Variants in CMIP observed in about 807,000 individuals in gnomAD.
The protein encoded by CMIP is C-Maf-inducing protein.
In CMIP, 13 loss-of-function variants were observed where a neutral mutation model predicts 97.3. The observed-to-expected ratio is 0.13, with a 90% CI of 0.09 to 0.21. The LOEUF (loss-of-function observed/expected upper bound fraction) is 0.21, where lower values mean the gene tolerates loss of function less well. CMIP is among the 10% of genes least tolerant of loss of function. The pLI is 1.00. For missense variants in CMIP, 847 were observed against 1,024.9 expected (o/e 0.83, Z 2.37); for synonymous variants, 538 against 436.3 (o/e 1.23, Z -2.91).
At chr16:81,537,254 G>T (rs1455678383) in intron 1 of CMIP, among the ~76,000 whole-genome samples, 1 of 152,144 alleles carries the variant, frequency 6.6e-6, no homozygotes, top group Admixed American at 6.5e-5. Flanking sequence ...CCCCATATAG[G>T]CTGGGGGCGG....
intron 17 of CMIP, among the ~76,000 whole-genome samples, chr16:81,703,608 C>T (rs1259342459): frequency 7.5e-6 from 1 of 132,780 alleles, no homozygotes; most frequent in East Asian, 2.0e-4. Flanking sequence ...CAGGCACACA[C>T]ACACAGACAC....
chr16:81,546,214 C>T lies in CMIP; in HGVS notation c.301-61353C>T, dbSNP rs150107788. ...GGCAGCCCAGGGAAATGAGGAATCC[C>T]GATCCTTCTCTCTGAGTCAAGAGAA... On this transcript the variant is annotated intron_variant, in intron 1 of 20. Coordinates refer to ENST00000537098, the MANE Select transcript of CMIP (RefSeq NM_198390.3). Among the ~76,000 whole-genome samples, 17 of 152,258 alleles carry T rather than the reference C, an allele frequency of 1.1e-4. No individual in the cohort carries two copies. In the East Asian group the frequency reaches 3.1e-3, roughly 28 times the overall value.
chr16:81,645,778 C>A, intron 3 of CMIP: 2 of 659,526 alleles, frequency 3.0e-6, no homozygotes, highest in East Asian at 5.5e-5. Flanking sequence ...CTTTACAGAA[C>A]TTGGTAGGTG....
At chr16:81,644,302 T>C (rs1171676858) in intron 3 of CMIP, among the ~76,000 whole-genome samples, 1 of 152,152 alleles carries the variant, frequency 6.6e-6, no homozygotes, top group Non-Finnish European at 1.5e-5. Context: ...CCTGGAAAAT[T>C]GTAGCCAAAG....
chr16:81,559,331 C>G (rs191378146), intron 1 of CMIP, among the ~76,000 whole-genome samples: 37 of 152,328 alleles, frequency 2.4e-4, no homozygotes, highest in African/African-American at 8.7e-4. Flanking sequence ...TTATTTCATG[C>G]TGGGCCAGCC....
chr16:81,533,624 A>G (rs555408873), intron 1 of CMIP, among the ~76,000 whole-genome samples: 1 of 152,120 alleles, frequency 6.6e-6, no homozygotes, highest in East Asian at 1.9e-4. Flanking sequence ...GACTATATGC[A>G]CGTGCCGCCA....
chr16:81,581,227 G>A (rs554781132), intron 1 of CMIP, among the ~76,000 whole-genome samples: 1 of 152,270 alleles, frequency 6.6e-6, no homozygotes, highest in South Asian at 2.1e-4. Flanking sequence ...GTGAATAAGC[G>A]GCCGTGAGCA....
intron 1 of CMIP, among the ~76,000 whole-genome samples, chr16:81,478,377 A>G (rs1170496012): frequency 6.6e-6 from 1 of 152,172 alleles, no homozygotes; most frequent in Non-Finnish European, 1.5e-5. Flanking sequence ...AAGGGGTTGT[A>G]GGGCCGAGAT....
At position 81,671,902 on chromosome 16, in the gene CMIP, C is replaced by T. The variant is rs1221551255; in HGVS notation, c.930-64C>T. ...CCTGAGCAACGCCCTCCCTTTCCCCCCTTACCCTGTCCATGGGCCCCACTC... is the reference window on the plus strand; with the variant it reads ...CCTGAGCAACGCCCTCCCTTTCCCCTCTTACCCTGTCCATGGGCCCCACTC... On this transcript the variant is annotated intron_variant, in intron 8 of 20. Coordinates refer to ENST00000537098, the MANE Select transcript of CMIP (RefSeq NM_198390.3). 9 of 838,582 alleles carry T rather than the reference C, an allele frequency of 1.1e-5. No individual in the cohort carries two copies. The Admixed American group carries it at 1.3e-4, about 12-fold the overall frequency. The allele number at this position is 838,582 out of a possible 1,614,324, so 51.9% of individuals were successfully genotyped here.
At chr16:81,548,807 C>T (rs1172376288) in intron 1 of CMIP, among the ~76,000 whole-genome samples, 3 of 152,160 alleles carry the variant, frequency 2.0e-5, no homozygotes, top group Admixed American at 6.5e-5. Flanking sequence ...GATCATGCTG[C>T]TGCACTCCAG....
chr16:81,525,787 A>G (rs926762427), intron 1 of CMIP, among the ~76,000 whole-genome samples: 2 of 152,034 alleles, frequency 1.3e-5, no homozygotes, highest in African/African-American at 4.8e-5. Context: ...CCTACTCCCG[A>G]CCCCTGGCAA....
chr16:81,696,333 G>A (rs1906714370), intron 13 of CMIP: 1 of 591,938 alleles, frequency 1.7e-6, no homozygotes, highest in Non-Finnish European at 3.0e-6. Flanking sequence ...CTGTGCAGCT[G>A]ACAGCCAGTA....
chr16:81,510,061 A>G (rs773607138), intron 1 of CMIP, among the ~76,000 whole-genome samples: 4 of 152,178 alleles, frequency 2.6e-5, no homozygotes, highest in African/African-American at 4.8e-5. Flanking sequence ...CTTTTCCTGT[A>G]TCTTTAATGG....
At chr16:81,649,539 A>T (rs1597194839) in intron 3 of CMIP, among the ~76,000 whole-genome samples, 1 of 152,240 alleles carries the variant, frequency 6.6e-6, no homozygotes, top group African/African-American at 2.4e-5. Flanking sequence ...CGCTGGAATG[A>T]TGTTCACCAA....
chr16:81,672,269 A>C (rs2092689886), intron 9 of CMIP, among the ~76,000 whole-genome samples, 199 bp downstream of exon 9: 1 of 152,244 alleles, frequency 6.6e-6, no homozygotes, highest in Non-Finnish European at 1.5e-5. Flanking sequence ...CTGAAAAAGC[A>C]AGCACTGAAT....
At chr16:81,580,967 A>T (rs1051613592) in intron 1 of CMIP, among the ~76,000 whole-genome samples, 1 of 147,178 alleles carries the variant, frequency 6.8e-6, no homozygotes, top group Non-Finnish European at 1.5e-5. Flanking sequence ...ACAGCCATCA[A>T]TTTCTGTCTT....
At chr16:81,597,955 G>A (rs1053256892) in intron 1 of CMIP, among the ~76,000 whole-genome samples, 3 of 151,998 alleles carry the variant, frequency 2.0e-5, no homozygotes, top group Non-Finnish European at 2.9e-5. Flanking sequence ...GGAGGCCTCT[G>A]CTTGTTGAAT....
At chr16:81,605,676 G>A (rs1043283698) in intron 1 of CMIP, among the ~76,000 whole-genome samples, 44 of 152,214 alleles carry the variant, frequency 2.9e-4, no homozygotes, top group South Asian at 2.1e-4. Flanking sequence ...TGCACTGGCC[G>A]TGGGGTCTGT....
In CMIP at chr16:81,660,382, C is replaced by G. The variant is rs922967466; in HGVS notation, c.682-502C>G. Among the ~76,000 whole-genome samples, 6 of 151,902 alleles carry G rather than the reference C, an allele frequency of 3.9e-5. No individual in the cohort carries two copies. The East Asian group carries it at 7.7e-4, about 20-fold the overall frequency. On this transcript the variant is annotated intron_variant, in intron 5 of 20. Transcript: ENST00000537098. ...CCGCCTCCTAAGTTCAAGTGATTCT[C>G]CTGCCTCAGCCTCCCGAGTAGCTGG...
Sources: allele counts gnomAD v4.1 joint callset (sites outside exome capture counted in the v4.1 genomes callset), GRCh38; gene constraint gnomAD v4.1.1; transcripts MANE v1.5; gene names NCBI Gene and HGNC (gene_info 2026-07-23, HGNC 2026-07-21).